Variants in PIBF1 observed in about 807,000 individuals in gnomAD.
The protein encoded by PIBF1 is progesterone-induced-blocking factor 1.
A neutral mutation model predicts 112.5 loss-of-function variants in PIBF1; 90 were observed. The ratio of observed to expected loss-of-function variants is 0.80; its 90% confidence interval spans 0.67 to 0.95. The LOEUF (loss-of-function observed/expected upper bound fraction) is 0.95, where lower values mean the gene tolerates loss of function less well. Ranked by LOEUF, PIBF1 falls within the 40% of genes least tolerant of loss-of-function variation. The pLI is 0.00. For synonymous variants in PIBF1, 301 were observed against 288.6 expected (o/e 1.04, Z -0.44); for missense variants, 915 against 852.3 (o/e 1.07, Z -0.92).
chr13:72,857,653 A>G (rs1005621493), intron 10 of PIBF1, among the ~76,000 whole-genome samples: 3 of 152,220 alleles, frequency 2.0e-5, no homozygotes, highest in South Asian at 2.1e-4. Flanking sequence ...AGCCTGGCCA[A>G]TATGGCAAAA....
intron 9 of PIBF1, among the ~76,000 whole-genome samples, chr13:72,842,973 G>A (rs1010697714): frequency 4.6e-5 from 7 of 152,076 alleles, no homozygotes; most frequent in South Asian, 2.1e-4. Flanking sequence ...GCTCTGTAGG[G>A]TGTTCCAGAT....
chr13:72,804,105 A>C (rs2035611565), intron 5 of PIBF1, among the ~76,000 whole-genome samples: 1 of 152,138 alleles, frequency 6.6e-6, no homozygotes, highest in Non-Finnish European at 1.5e-5. Context: ...CATCATATCC[A>C]AAGGAAGTAG....
chr13:73,000,469 G>A (rs1367815316), intron 17 of PIBF1, among the ~76,000 whole-genome samples: 1 of 152,172 alleles, frequency 6.6e-6, no homozygotes. Flanking sequence ...GAGTCACACA[G>A]TTCCAAATAC....
chr13:72,860,400 T>C (rs1352506551), intron 10 of PIBF1, among the ~76,000 whole-genome samples: 2 of 149,266 alleles, frequency 1.3e-5, no homozygotes, highest in African/African-American at 4.9e-5. Flanking sequence ...GAGTATAGAG[T>C]GCCTATGTTG....
intron 13 of PIBF1, among the ~76,000 whole-genome samples, chr13:72,927,604 C>T (rs2041529883): frequency 6.6e-6 from 1 of 152,060 alleles, no homozygotes; most frequent in South Asian, 2.1e-4. Flanking sequence ...CCAGGCTGGT[C>T]TCAAACTCCT....
intron 13 of PIBF1, among the ~76,000 whole-genome samples, chr13:72,921,742 A>G (rs903034876): frequency 1.3e-5 from 2 of 152,198 alleles, no homozygotes; most frequent in African/African-American, 4.8e-5. Context: ...CAAAATTAAA[A>G]TGAGAAAATG....
At chr13:72,841,874 G>T (rs1302400003) in intron 9 of PIBF1, among the ~76,000 whole-genome samples, 2 of 152,164 alleles carry the variant, frequency 1.3e-5, no homozygotes, top group African/African-American at 2.4e-5. Context: ...AGATGTAGAT[G>T]AGTTATTTTG....
At chr13:72,817,756 CA>C (rs1309621546) in intron 5 of PIBF1, among the ~76,000 whole-genome samples, 1 of 152,130 alleles carries the variant, frequency 6.6e-6, no homozygotes, top group Non-Finnish European at 1.5e-5. Context: ...GAGGAGAATA[CA>C]AAATAGTCTT....
intron 15 of PIBF1, among the ~76,000 whole-genome samples, chr13:72,971,708 A>G (rs1421487518): frequency 1.3e-5 from 2 of 152,292 alleles, no homozygotes; most frequent in East Asian, 1.9e-4. Context: ...ATTATGTTCT[A>G]CTTTTACAGA....
intron 9 of PIBF1, among the ~76,000 whole-genome samples, chr13:72,838,315 AG>A (rs2037450434): frequency 6.6e-6 from 1 of 152,234 alleles, no homozygotes; most frequent in African/African-American, 2.4e-5. Flanking sequence ...ATAGGATAAA[AG>A]ATGAGACCAC....
intron 13 of PIBF1, among the ~76,000 whole-genome samples, chr13:72,925,243 ATAAAT>A (rs1184736172): frequency 6.6e-6 from 1 of 152,224 alleles, no homozygotes; most frequent in African/African-American, 2.4e-5. Flanking sequence ...AATCTCACAA[ATAAAT>A]TTAATTTAAA....
intron 14 of PIBF1, among the ~76,000 whole-genome samples, chr13:72,952,156 C>T (rs956509146): frequency 3.3e-5 from 5 of 151,224 alleles, no homozygotes; most frequent in Non-Finnish European, 7.4e-5. Flanking sequence ...CAGGTTCAAG[C>T]GATTATCCCA....
chr13:72,784,665 G>A (rs572725469), intron 2 of PIBF1, among the ~76,000 whole-genome samples: 161 of 151,578 alleles, frequency 1.1e-3, no homozygotes, highest in East Asian at 4.5e-3. Flanking sequence ...AGGCTGAGGC[G>A]GGAGAATCAC....
At chr13:72,792,392 CTG>C in intron 2 of PIBF1, 53 bp from the exon 3 acceptor site, 2 of 1,079,094 alleles carry the variant, frequency 1.9e-6, no homozygotes, top group Non-Finnish European at 2.7e-6. Flanking sequence ...TATTATGAAA[CTG>C]AAAGTTTTTC....
intron 10 of PIBF1, among the ~76,000 whole-genome samples, chr13:72,892,227 A>AT (rs1401370664): frequency 6.6e-6 from 1 of 152,078 alleles, no homozygotes; most frequent in Non-Finnish European, 1.5e-5. Context: ...ATAAAAAGGT[A>AT]TTTTTTAATA....
chr13:72,961,981 A>G (rs903021367), intron 14 of PIBF1, among the ~76,000 whole-genome samples: 2 of 152,148 alleles, frequency 1.3e-5, no homozygotes, highest in African/African-American at 4.8e-5. Context: ...AAAAAAATTA[A>G]CAAAGCAAAT....
chr13:72,896,557 C>G (rs968442179), intron 11 of PIBF1, among the ~76,000 whole-genome samples: 4 of 151,626 alleles, frequency 2.6e-5, no homozygotes, highest in Non-Finnish European at 5.9e-5. Context: ...AAAAATGGTA[C>G]AAGAAGTGAA....
chr13:72,998,952 A>C lies in PIBF1; in HGVS notation c.2180A>C (p.Lys727Thr). Residue 727 changes from lysine (K) to threonine (T), a missense_variant, in exon 17 of 18, where the codon AAA becomes ACA. By Grantham distance (78) the Lys-to-Thr change is moderately conservative (BLOSUM62 -1). Coordinates refer to ENST00000326291, the MANE Select transcript of PIBF1 (RefSeq NM_006346.4). Reference sequence around the variant, plus strand: ...AAATCAAAGACTTTGAATGTGCCTAAAGAGCATGAAGACAATATATTTACA... The same window carrying C: ...AAATCAAAGACTTTGAATGTGCCTACAGAGCATGAAGACAATATATTTACA... ...NQKSKTLNVP[K>T]EHEDNIFTPK... is the part of the protein sequence containing the mutation. 2.5e-6 allele frequency: 4 copies of C among 1,611,110 alleles called. No homozygotes were observed. The highest frequency in any genetic ancestry group is 3.4e-6 in the Non-Finnish European group (4 of 1,178,056).
In PIBF1 at chr13:72,917,124, G is replaced by T. The variant is rs756711476; in HGVS notation, c.1688G>T (p.Gly563Val). 1 of 1,597,464 alleles carries T rather than the reference G, an allele frequency of 6.3e-7. No homozygotes were observed. The highest frequency in any genetic ancestry group is 8.5e-7 in the Non-Finnish European group (1 of 1,171,924). The change falls in exon 13 of 18, where the codon GGT becomes GTT. Residue 563 changes from glycine (G) to valine (V), a missense_variant. Coordinates refer to ENST00000326291, the MANE Select transcript of PIBF1 (RefSeq NM_006346.4). ...AERVLFSYGY[G>V]ANVPTTAKRR... is the part of the protein sequence containing the mutation. Reference sequence around the variant, plus strand: ...AGGGTTCTTTTTTCCTACGGCTATGGTGCTAATGTTCCCACAACAGCCAAA... The same window carrying T: ...AGGGTTCTTTTTTCCTACGGCTATGTTGCTAATGTTCCCACAACAGCCAAA...
Sources: allele counts gnomAD v4.1 joint callset (sites outside exome capture counted in the v4.1 genomes callset), GRCh38; gene constraint gnomAD v4.1.1; transcripts MANE v1.5; gene names NCBI Gene and HGNC (gene_info 2026-07-23, HGNC 2026-07-21).